Variants in LIMCH1 observed in about 807,000 individuals in gnomAD.
LIMCH1 encodes the protein LIM and calponin homology domains-containing protein 1.
LIMCH1 carries 113 observed loss-of-function variants against 176.5 expected under a neutral mutation model. The ratio of observed to expected loss-of-function variants is 0.64; its 90% confidence interval spans 0.55 to 0.75. LIMCH1 has a LOEUF of 0.75. Ranked by LOEUF, LIMCH1 falls within the 30% of genes least tolerant of loss-of-function variation. The pLI is 0.00. For synonymous variants in LIMCH1, 619 were observed against 645.9 expected (o/e 0.96, Z 0.63); for missense variants, 1,674 against 1,814.9 (o/e 0.92, Z 1.41).
chr4:41,481,827 T>G (rs2068690433), intron 1 of LIMCH1, among the ~76,000 whole-genome samples: 1 of 151,880 alleles, frequency 6.6e-6, no homozygotes, highest in African/African-American at 2.4e-5. Flanking sequence ...GACTTTGGTA[T>G]TGATCTTAGT....
chr4:41,430,704 C>T (rs1360856473), intron 1 of LIMCH1, among the ~76,000 whole-genome samples: 1 of 152,176 alleles, frequency 6.6e-6, no homozygotes, highest in Non-Finnish European at 1.5e-5. Flanking sequence ...ATTGGCTTTA[C>T]TTAATTTTAC....
At chr4:41,526,925 A>G (rs1179902295) in intron 3 of LIMCH1, among the ~76,000 whole-genome samples, 2 of 152,182 alleles carry the variant, frequency 1.3e-5, no homozygotes, top group South Asian at 2.1e-4. Flanking sequence ...CTGGACTATA[A>G]TAGTTGACTC....
At chr4:41,624,029 G>A (rs1223642238) in intron 7 of LIMCH1, among the ~76,000 whole-genome samples, 1 of 152,116 alleles carries the variant, frequency 6.6e-6, no homozygotes, top group Non-Finnish European at 1.5e-5. Flanking sequence ...ATGAGAGTCT[G>A]CCAAAGAAGC....
rs545417845 is a variant in LIMCH1, at chr4:41,474,304, T to C, written c.97-20232T>C. ...GAGTTCAAGACCAGCCTGGCCAATG[T>C]GGTGAAACCCTGTCTCTACTAAAAA... On this transcript the variant is annotated intron_variant, in intron 1 of 26. Coordinates refer to the LIMCH1 transcript ENST00000313860. Among the ~76,000 whole-genome samples, 16 of 152,304 alleles carry C rather than the reference T, an allele frequency of 1.1e-4. No homozygotes were observed. In the East Asian group the frequency reaches 3.1e-3, roughly 29 times the overall value.
At chr4:41,456,888 CA>C (rs2064676857) in intron 1 of LIMCH1, among the ~76,000 whole-genome samples, 1 of 152,128 alleles carries the variant, frequency 6.6e-6, no homozygotes, top group Non-Finnish European at 1.5e-5. Context: ...ACCATACCGA[CA>C]TGTGGCCTCT....
At chr4:41,549,805 A>T (rs558713820) in intron 1 of LIMCH1, among the ~76,000 whole-genome samples, 3 of 152,230 alleles carry the variant, frequency 2.0e-5, no homozygotes, top group African/African-American at 7.2e-5. Context: ...TATAAGATAG[A>T]AATTTTGCTA....
At chr4:41,634,938 C>A (rs1016143128) in intron 13 of LIMCH1, among the ~76,000 whole-genome samples, 1 of 152,126 alleles carries the variant, frequency 6.6e-6, no homozygotes, top group Admixed American at 6.5e-5. Flanking sequence ...CCTGGATCCG[C>A]GGGCTTCTGT....
chr4:41,484,115 A>C (rs1466686226), intron 1 of LIMCH1, among the ~76,000 whole-genome samples: 2 of 152,246 alleles, frequency 1.3e-5, no homozygotes, highest in Non-Finnish European at 2.9e-5. Flanking sequence ...TTGTGATATG[A>C]ATGTGAGCTC....
intron 1 of LIMCH1, among the ~76,000 whole-genome samples, chr4:41,456,695 G>A (rs1443084600): frequency 6.6e-6 from 1 of 152,188 alleles, no homozygotes; most frequent in African/African-American, 2.4e-5. Flanking sequence ...AACAATGACA[G>A]CATTTGTTTC....
intron 21 of LIMCH1, chr4:41,670,666 T>C (rs1374855028): frequency 1.5e-6 from 2 of 1,358,154 alleles, no homozygotes; most frequent in Non-Finnish European, 2.0e-6. Context: ...TATTCAGTTC[T>C]CACCCCAGTT....
chr4:41,429,374 G>T (rs2061401355), intron 1 of LIMCH1, among the ~76,000 whole-genome samples: 1 of 151,926 alleles, frequency 6.6e-6, no homozygotes, highest in South Asian at 2.1e-4. Flanking sequence ...CGAGTGAAGG[G>T]TACTCATTTC....
intron 1 of LIMCH1, among the ~76,000 whole-genome samples, chr4:41,381,270 A>C (rs753682282): frequency 4.1e-4 from 63 of 152,232 alleles, no homozygotes; most frequent in Non-Finnish European, 8.1e-4. Context: ...ACTGTACAGC[A>C]CAGCACCAAC....
At chr4:41,481,465 T>C (rs1582900802) in intron 1 of LIMCH1, among the ~76,000 whole-genome samples, 1 of 152,154 alleles carries the variant, frequency 6.6e-6, no homozygotes, top group East Asian at 1.9e-4. Flanking sequence ...AATATAGGGG[T>C]TGTGCGTATA....
chr4:41,548,484 A>T (rs181063177), intron 1 of LIMCH1, among the ~76,000 whole-genome samples: 1 of 152,188 alleles, frequency 6.6e-6, no homozygotes, highest in South Asian at 2.1e-4. Context: ...ATTTTCTCTT[A>T]TTCAAAAAGC....
Position 41,543,634 on chromosome 4 carries a change from T to C in LIMCH1, c.-241+5284T>C, listed in dbSNP as rs551829627. 3.3e-5 allele frequency among the ~76,000 whole-genome samples: 5 copies of C among 152,304 alleles called. No homozygotes were observed. In the South Asian group the frequency reaches 1.0e-3, roughly 32 times the overall value. On this transcript the variant is annotated intron_variant, in intron 1 of 31. Transcript: ENST00000503057. ...TGAGCATGATTAATTGACAACATGT[T>C]GTTACTATCTTAATTCTTTGGTCTG... is the stretch of plus-strand genomic sequence containing the variant.
intron 2 of LIMCH1, among the ~76,000 whole-genome samples, chr4:41,503,576 T>C (rs1450112859): frequency 6.6e-6 from 1 of 152,136 alleles, no homozygotes; most frequent in Non-Finnish European, 1.5e-5. Context: ...TTGGTTAGAC[T>C]TACATAGGGG....
chr4:41,611,261 T>A (rs1347857869), intron 4 of LIMCH1, among the ~76,000 whole-genome samples: 1 of 152,208 alleles, frequency 6.6e-6, no homozygotes, highest in Non-Finnish European at 1.5e-5. Flanking sequence ...GAGCTGTACA[T>A]ATAGTCTAGG....
rs71198662 is a variant in LIMCH1 at position 41,501,857 on chromosome 4, CTTTTTT to C, written c.167+7275_167+7280del. Among the ~76,000 whole-genome samples the C allele has an allele frequency of 5.1e-4, 38 of 74,976 alleles. 1 individual carries two copies. In the East Asian group the frequency reaches 0.011, roughly 22 times the overall value. 49.2% of individuals were successfully genotyped at this position (74,976 alleles called of 152,430 possible). A position where few individuals can be genotyped will look rare whatever the true frequency, so the allele number is the denominator to read the frequency against. On this transcript the variant is annotated intron_variant, in intron 2 of 26. Coordinates refer to the LIMCH1 transcript ENST00000313860. Reference sequence around the variant, plus strand: ...CACTCTCATCTCCCGGTGTAGAATCCTTTTTTTTTTTTTTTTTTTTTTTTTTTTTAA... The same window carrying C: ...CACTCTCATCTCCCGGTGTAGAATCCTTTTTTTTTTTTTTTTTTTTTTTAA...
rs370659625 is a variant in LIMCH1, at chr4:41,462,913, C to G, written c.97-31623C>G. ...TTTTAAGTTTATATTGAAATTCCAT[C>G]TTTACATGAAATCAGCGAGCATAGG... On this transcript the variant is annotated intron_variant, in intron 1 of 26. Coordinates refer to the LIMCH1 transcript ENST00000313860. 1.8e-4 allele frequency among the ~76,000 whole-genome samples: 28 copies of G among 152,036 alleles called. No homozygotes were observed. In the East Asian group the frequency reaches 5.2e-3, roughly 28 times the overall value.
Sources: gnomAD v4.1 joint callset for allele counts (sites outside exome capture counted in the v4.1 genomes callset) on GRCh38, gnomAD v4.1.1 for gene constraint, MANE v1.5 for transcripts, NCBI Gene and HGNC (gene_info 2026-07-23, HGNC 2026-07-21) for gene names.